The following TCTN2 variants were observed in gnomAD, a reference collection of about 807,000 sequenced individuals.
TCTN2 encodes tectonic-2.
Under a neutral mutation model 83.4 loss-of-function variants are expected in TCTN2, and 66 were observed. The observed-to-expected ratio is 0.79, with a 90% confidence interval of 0.65 to 0.97. The LOEUF is 0.97. Among genes scored for constraint, TCTN2 ranks in the 50% least tolerant of loss-of-function variants. The pLI is 0.00. For missense variants in TCTN2, 794 were observed against 858.1 expected, an observed-to-expected ratio of 0.93 and a Z score of 0.93; for synonymous variants, 301 against 326.7, an observed-to-expected ratio of 0.92 and a Z score of 0.85.
intron 4 of TCTN2, among the ~76,000 whole-genome samples, chr12:123,674,468 C>G (rs554186639): frequency 1.3e-5 from 2 of 152,290 alleles, no homozygotes; most frequent in South Asian, 4.1e-4. Flanking sequence ...TGGGGTTTCA[C>G]CATGTTGGCT....
chr12:123,676,186 C>T (rs910033161), intron 4 of TCTN2, among the ~76,000 whole-genome samples: 10 of 151,744 alleles, frequency 6.6e-5, no homozygotes, highest in African/African-American at 2.2e-4. Flanking sequence ...AGGCTGAGGT[C>T]GGGGGATCGC....
chr12:123,696,910 G>T lies in TCTN2; in HGVS notation c.1394-177G>T, dbSNP rs184391191. On this transcript the variant is annotated intron_variant, in intron 12 of 17. Coordinates refer to ENST00000303372, the MANE Select transcript of TCTN2 (RefSeq NM_024809.5). Reference sequence around the variant, plus strand: ...GAAACCACCGCTCAGGATCTGAGAAGTCTGATAAAGGCACCTTTGTTCAGC... The same window carrying T: ...GAAACCACCGCTCAGGATCTGAGAATTCTGATAAAGGCACCTTTGTTCAGC... The T allele has an allele frequency of 4.9e-6, 3 of 608,366 alleles. No individual in the cohort carries two copies. The Admixed American group carries it at 8.2e-5, about 17-fold the overall frequency. 37.7% of individuals were successfully genotyped at this position (608,366 alleles called of 1,614,324 possible).
intron 3 of TCTN2, among the ~76,000 whole-genome samples, chr12:123,672,670 A>T (rs563619699): frequency 4.1e-4 from 63 of 152,148 alleles, no homozygotes; most frequent in Non-Finnish European, 6.9e-4. Context: ...ATTTGAGCCC[A>T]GGAGTTCAGG....
intron 7 of TCTN2, 37 bp from the exon 8 acceptor site, chr12:123,690,496 A>G (rs1421013490): frequency 6.2e-7 from 1 of 1,614,016 alleles, no homozygotes; most frequent in Non-Finnish European, 8.5e-7. Context: ...ATTAGGAGAG[A>G]GGCCATAAAT....
intron 4 of TCTN2, among the ~76,000 whole-genome samples, chr12:123,677,588 C>T (rs1479117459): frequency 6.6e-6 from 1 of 152,098 alleles, no homozygotes; most frequent in African/African-American, 2.4e-5. Context: ...AAAACAAGTT[C>T]GGAAACCTGT....
chr12:123,704,826 C>T lies in TCTN2; in HGVS notation c.1769+138C>T. 5 of 895,706 alleles carry T rather than the reference C, an allele frequency of 5.6e-6. No individual in the cohort carries two copies. The South Asian group carries it at 5.7e-5, about 10-fold the overall frequency. The allele number at this position is 895,706 out of a possible 1,614,324, so 55.5% of individuals were successfully genotyped here. On this transcript the variant is annotated intron_variant, in intron 15 of 17. Coordinates refer to ENST00000303372, the MANE Select transcript of TCTN2 (RefSeq NM_024809.5). Reference sequence around the variant, plus strand: ...ATTATTAGCAAGATGTTTATATGCACATATGGAATATGTACGAACTATGTG... The same window carrying T: ...ATTATTAGCAAGATGTTTATATGCATATATGGAATATGTACGAACTATGTG...
chr12:123,684,000 G>C (rs557153633), intron 5 of TCTN2, among the ~76,000 whole-genome samples: 1 of 152,174 alleles, frequency 6.6e-6, no homozygotes, highest in South Asian at 2.1e-4. Flanking sequence ...AAATTTACTG[G>C]TACCCAAGTC....
intron 3 of TCTN2, among the ~76,000 whole-genome samples, chr12:123,672,630 G>T (rs1433780095): frequency 6.6e-6 from 1 of 151,894 alleles, no homozygotes; most frequent in Non-Finnish European, 1.5e-5. Context: ...GATACTTGGA[G>T]GGGGGTGGGG....
Position 123,694,967 on chromosome 12 carries a change from C to T in TCTN2, c.1225C>T (p.His409Tyr). ...AATTTTTAGGGCAGAGATTAATGCC[C>T]ACCAGAAAGGTAACTTTGATGAGGG... is the stretch of plus-strand genomic sequence containing the variant. The part of the protein sequence containing the change: ...VKIFRAEINA[H>Y]QKGIMTQRFV... Residue 409 changes from histidine to tyrosine, a missense_variant, in exon 10 of 18, where the codon CAC becomes TAC. Physicochemically the swap from His to Tyr is moderately conservative, Grantham distance 83. Coordinates refer to ENST00000303372, the MANE Select transcript of TCTN2 (RefSeq NM_024809.5). The T allele has an allele frequency of 6.2e-7, 1 of 1,613,308 alleles. No homozygotes were observed. The highest frequency in any genetic ancestry group is 1.1e-5 in the South Asian group (1 of 91,040).
At chr12:123,695,389 A>G in intron 11 of TCTN2, 92 bp downstream of exon 11, 1 of 878,314 alleles carries the variant, frequency 1.1e-6, no homozygotes, top group Non-Finnish European at 1.9e-6. Context: ...ACTCTCTCCA[A>G]TTTAGTTTCT....
intron 9 of TCTN2, among the ~76,000 whole-genome samples, chr12:123,693,706 G>GT (rs1956074404): frequency 6.6e-6 from 1 of 151,818 alleles, no homozygotes; most frequent in Admixed American, 6.6e-5. Context: ...CACCTGCCTT[G>GT]GCCTCCCAAA....
chr12:123,707,846 G>A lies in TCTN2; in HGVS notation c.*133G>A. 1.4e-6 allele frequency: 1 copy of A among 735,002 alleles called. No homozygotes were observed. The highest frequency in any genetic ancestry group is 2.0e-5 in the Admixed American group (1 of 49,292). 45.5% of individuals were successfully genotyped at this position (735,002 alleles called of 1,614,324 possible). A position where few individuals can be genotyped will look rare whatever the true frequency, so the allele number is the denominator to read the frequency against. The stretch of plus-strand genomic sequence containing the variant: ...CCTGCCTCAGCCTCCGGAGAACTGG[G>A]ATTACAGGCATGCACCACCACGCCC... On this transcript the variant is annotated 3_prime_UTR_variant, in exon 18 of 18. Coordinates refer to ENST00000303372, the MANE Select transcript of TCTN2 (RefSeq NM_024809.5).
chr12:123,700,424 TTTTG>T (rs1047607050), intron 14 of TCTN2, among the ~76,000 whole-genome samples: 2 of 152,090 alleles, frequency 1.3e-5, no homozygotes, highest in African/African-American at 2.4e-5. Flanking sequence ...AGGCCAGTTT[TTTTG>T]TTTGTTTGGT....
intron 15 of TCTN2, 126 bp downstream of exon 15, chr12:123,704,814 T>A: frequency 2.0e-6 from 2 of 996,836 alleles, no homozygotes; most frequent in Non-Finnish European, 3.1e-6. Context: ...ATTAGCAAGA[T>A]GTTTATATGC....
chr12:123,707,866 ACG>A lies in TCTN2; in HGVS notation c.*155_*156del. On this transcript the variant is annotated 3_prime_UTR_variant, in exon 18 of 18. Transcript: ENST00000303372. ...ACTGGGATTACAGGCATGCACCACC[ACG>A]CCCGGCTAATTTTGTATTTTTAGTA... 1.5e-6 allele frequency: 1 copy of A among 675,866 alleles called. No homozygotes were observed. 41.9% of individuals were successfully genotyped at this position (675,866 alleles called of 1,614,324 possible).
intron 8 of TCTN2, among the ~76,000 whole-genome samples, chr12:123,691,417 T>C (rs1040228120): frequency 1.3e-5 from 2 of 152,228 alleles, no homozygotes; most frequent in African/African-American, 4.8e-5. Flanking sequence ...CTTTTGTGTC[T>C]GGCTTCTTTC....
intron 14 of TCTN2, among the ~76,000 whole-genome samples, chr12:123,702,985 A>G (rs1473304269): frequency 2.0e-5 from 3 of 152,174 alleles, no homozygotes; most frequent in Admixed American, 6.5e-5. Context: ...CAGAGGAGCC[A>G]TAGAACCTAC....
At chr12:123,696,308 C>G (rs192494269) in intron 11 of TCTN2, 107 bp from the exon 12 acceptor site, 13 of 935,060 alleles carry the variant, frequency 1.4e-5, no homozygotes, top group Non-Finnish European at 2.3e-5. Context: ...TCGAAAGCTT[C>G]GCCTATGTGT....
rs375065995 is a variant in TCTN2, at chr12:123,673,620, G to A, written c.273G>A (p.Val91=). ...WSVTVIPGAK[V]LEVTVRWKRG... The stretch of plus-strand genomic sequence containing the variant: ...CAGCAATGTTTTCCTTTCAGAAGGT[G>A]TTGGAAGTGACAGTGAGGTGGAAGA... The change falls in exon 4 of 18, where the codon GTG becomes GTA. Residue 91 remains valine, a synonymous_variant. Coordinates refer to ENST00000303372, the MANE Select transcript of TCTN2 (RefSeq NM_024809.5). 5 of 1,614,096 alleles carry A rather than the reference G, an allele frequency of 3.1e-6. No homozygotes were observed. In the African/African-American group the frequency reaches 6.7e-5, roughly 22 times the overall value.
Sources: gnomAD v4.1 joint callset for allele counts (sites outside exome capture counted in the v4.1 genomes callset) on GRCh38, gnomAD v4.1.1 for gene constraint, MANE v1.5 for transcripts, NCBI Gene and HGNC (gene_info 2026-07-23, HGNC 2026-07-21) for gene names.